SORCS3: variants seen among roughly 807,000 people sequenced by gnomAD.
The protein encoded by SORCS3 is VPS10 domain-containing receptor SorCS3.
Under a neutral mutation model 146.3 loss-of-function variants are expected in SORCS3, and 57 were observed. The observed-to-expected ratio is 0.39, with a 90% CI of 0.31 to 0.49. The LOEUF (loss-of-function observed/expected upper bound fraction) is 0.49, where lower values mean the gene tolerates loss of function less well. SORCS3 is among the 20% of genes least tolerant of loss of function. The pLI is 0.92. For missense variants in SORCS3, 1,341 were observed against 1,575.5 expected (o/e 0.85, Z 2.52); for synonymous variants, 653 against 618.5 (o/e 1.06, Z -0.83).
intron 22 of SORCS3, among the ~76,000 whole-genome samples, chr10:105,250,860 G>A (rs1330658348): frequency 1.3e-5 from 2 of 152,190 alleles, no homozygotes; most frequent in African/African-American, 4.8e-5. Context: ...TTCCCTGCGG[G>A]CTGGCTCTTT....
intron 13 of SORCS3, 99 bp downstream of exon 13, chr10:105,167,448 C>T (rs2056323457): frequency 1.2e-6 from 1 of 800,882 alleles, no homozygotes; most frequent in Non-Finnish European, 2.0e-6. Context: ...CCCATTTGTA[C>T]ATTTCCTCAT....
intron 9 of SORCS3, among the ~76,000 whole-genome samples, chr10:105,149,721 C>T (rs566888474): frequency 4.6e-5 from 7 of 152,246 alleles, no homozygotes; most frequent in African/African-American, 1.7e-4. Context: ...TCAAGAAATT[C>T]TTGTGTCTCT....
At chr10:104,930,890 A>T (rs2019199673) in intron 3 of SORCS3, among the ~76,000 whole-genome samples, 1 of 152,190 alleles carries the variant, frequency 6.6e-6, no homozygotes, top group Non-Finnish European at 1.5e-5. Context: ...TTAAATGAGA[A>T]ATCTTTGCAA....
chr10:105,261,868 G>A (rs1400619580), intron 25 of SORCS3, among the ~76,000 whole-genome samples: 1 of 152,168 alleles, frequency 6.6e-6, no homozygotes, highest in Non-Finnish European at 1.5e-5. Flanking sequence ...TCTGAAAATT[G>A]TAGCAAAAGC....
intron 4 of SORCS3, among the ~76,000 whole-genome samples, chr10:105,025,046 C>G (rs189264761): frequency 6.6e-6 from 1 of 152,276 alleles, no homozygotes; most frequent in East Asian, 1.9e-4. Flanking sequence ...TCTCATTTTT[C>G]CATTTCATCT....
rs2119640023 is a variant in SORCS3 at position 105,211,017 on chromosome 10, TA to T, written c.2262-116del. On this transcript the variant is annotated intron_variant, in intron 16 of 26. Coordinates refer to ENST00000369701, the MANE Select transcript of SORCS3 (RefSeq NM_014978.3). The stretch of plus-strand genomic sequence containing the variant: ...AATATTTACCCTCACTGGGGATATT[TA>T]AAACAATGTGTTATGACTTTCTGGA... 4 of 633,476 alleles carry T rather than the reference TA, an allele frequency of 6.3e-6. No homozygotes were observed. In the East Asian group the frequency reaches 1.1e-4, roughly 17 times the overall value. 39.2% of individuals were successfully genotyped at this position (633,476 alleles called of 1,614,324 possible). A position where few individuals can be genotyped will look rare whatever the true frequency, so the allele number is the denominator to read the frequency against.
chr10:104,700,148 G>C (rs144587520), intron 1 of SORCS3, among the ~76,000 whole-genome samples: 47 of 152,316 alleles, frequency 3.1e-4, no homozygotes, highest in African/African-American at 1.0e-3. Flanking sequence ...TCTGCTTCCT[G>C]ATCACTTTGT....
chr10:104,834,818 G>A (rs916877850), intron 1 of SORCS3, among the ~76,000 whole-genome samples: 1 of 151,658 alleles, frequency 6.6e-6, no homozygotes, highest in African/African-American at 2.4e-5. Context: ...TTAGTTTGGT[G>A]AATGAATGGA....
intron 1 of SORCS3, among the ~76,000 whole-genome samples, chr10:104,715,891 C>T (rs1050047867): frequency 3.9e-5 from 6 of 152,172 alleles, no homozygotes; most frequent in East Asian, 1.9e-4. Context: ...GGTCAGGCCA[C>T]GCCACCCTCT....
chr10:105,246,306 G>A (rs2056865987), intron 21 of SORCS3, among the ~76,000 whole-genome samples: 1 of 151,744 alleles, frequency 6.6e-6, no homozygotes, highest in Admixed American at 6.6e-5. Flanking sequence ...GTATCACTGT[G>A]GTTTTCTTTT....
chr10:104,860,000 A>G (rs1051564000), intron 2 of SORCS3, among the ~76,000 whole-genome samples: 2 of 91,956 alleles, frequency 2.2e-5, no homozygotes, highest in African/African-American at 6.8e-5. Context: ...CCATTGTGGA[A>G]GTCAGTGTGG....
intron 2 of SORCS3, among the ~76,000 whole-genome samples, chr10:104,872,235 A>G (rs982786242): frequency 3.3e-5 from 5 of 152,192 alleles, no homozygotes; most frequent in African/African-American, 9.6e-5. Context: ...TAAATCATAA[A>G]TGGCAGGCAT....
At chr10:104,838,036 T>C (rs1164233441) in intron 1 of SORCS3, among the ~76,000 whole-genome samples, 8 of 152,214 alleles carry the variant, frequency 5.3e-5, no homozygotes. Context: ...TATTATATAA[T>C]ACCTGCTCTG....
chr10:105,247,629 T>C (rs935869408), intron 22 of SORCS3, among the ~76,000 whole-genome samples: 1 of 152,104 alleles, frequency 6.6e-6, no homozygotes, highest in African/African-American at 2.4e-5. Context: ...ACACCTGTAA[T>C]CCCAGCTACT....
intron 5 of SORCS3, among the ~76,000 whole-genome samples, chr10:105,064,662 G>A (rs762399971): frequency 1.3e-5 from 2 of 152,194 alleles, no homozygotes; most frequent in Non-Finnish European, 2.9e-5. Flanking sequence ...ATGTTCAAGG[G>A]TGGGAGAAGA....
chr10:105,080,747 A>G (rs2055618988), intron 5 of SORCS3, among the ~76,000 whole-genome samples: 1 of 152,062 alleles, frequency 6.6e-6, no homozygotes, highest in Non-Finnish European at 1.5e-5. Flanking sequence ...TCCAGTTTCA[A>G]TCTTCTGCAT....
At position 105,264,881 on chromosome 10, in the gene SORCS3, G is replaced by GTA. The variant is rs1221109875; in HGVS notation, c.*1515_*1516dup. 1 of 152,506 alleles carries GTA rather than the reference G, an allele frequency of 6.6e-6. No individual in the cohort carries two copies. Among genetic ancestry groups the GTA allele is most frequent in the Admixed American group, 6.5e-5 (1 of 15,272 alleles). The allele number at this position is 152,506 out of a possible 1,614,324, so 9.4% of individuals were successfully genotyped here. On this transcript the variant is annotated 3_prime_UTR_variant, in exon 27 of 27. Coordinates refer to ENST00000369701, the MANE Select transcript of SORCS3 (RefSeq NM_014978.3). The stretch of plus-strand genomic sequence containing the variant: ...CACTTATTTTTGAAAATGATATAAT[G>GTA]TATATATATGGGAGGAAAGGCCACA...
intron 2 of SORCS3, among the ~76,000 whole-genome samples, chr10:104,885,173 T>A (rs987703179): frequency 2.0e-5 from 3 of 152,168 alleles, no homozygotes; most frequent in African/African-American, 7.2e-5. Context: ...GAGCACTGTC[T>A]CAGGTCTTCT....
chr10:104,906,623 T>C (rs764717278), intron 2 of SORCS3, among the ~76,000 whole-genome samples: 3 of 152,202 alleles, frequency 2.0e-5, no homozygotes, highest in African/African-American at 4.8e-5. Flanking sequence ...ATATAATTAG[T>C]CTGAGGCTCC....
Sources: allele counts gnomAD v4.1 joint callset (sites outside exome capture counted in the v4.1 genomes callset), GRCh38; gene constraint gnomAD v4.1.1; transcripts MANE v1.5; gene names NCBI Gene and HGNC (gene_info 2026-07-23, HGNC 2026-07-21).